ARHGAP28: variants seen among roughly 807,000 people sequenced by gnomAD.
ARHGAP28 encodes the protein Rho GTPase activating protein 28.
In ARHGAP28, 56 loss-of-function variants were observed where a neutral mutation model predicts 90.7. The observed-to-expected ratio is 0.62, with a 90% CI of 0.50 to 0.77. The LOEUF (loss-of-function observed/expected upper bound fraction) is 0.77, where lower values mean the gene tolerates loss of function less well. Among genes scored for constraint, ARHGAP28 ranks in the 30% least tolerant of loss-of-function variants. The pLI is 0.00. For missense variants in ARHGAP28, 869 were observed against 900.9 expected, an observed-to-expected ratio of 0.96 and a Z score of 0.45; for synonymous variants, 308 against 323.3, an observed-to-expected ratio of 0.95 and a Z score of 0.51.
intron 3 of ARHGAP28, among the ~76,000 whole-genome samples, chr18:6,845,793 A>G (rs1326790038): frequency 1.3e-5 from 2 of 152,200 alleles, no homozygotes; most frequent in Non-Finnish European, 2.9e-5. Flanking sequence ...CATGGTATAT[A>G]TGTACCACTC....
intron 10 of ARHGAP28, among the ~76,000 whole-genome samples, chr18:6,878,944 T>C (rs1416946543): frequency 6.6e-6 from 1 of 152,190 alleles, no homozygotes; most frequent in African/African-American, 2.4e-5. Context: ...TCCATTATAA[T>C]TATCCTCGGA....
At chr18:6,749,259 T>G (rs997355572) in intron 1 of ARHGAP28, among the ~76,000 whole-genome samples, 3 of 152,180 alleles carry the variant, frequency 2.0e-5, no homozygotes, top group African/African-American at 7.2e-5. Flanking sequence ...AGGTAGCAAA[T>G]TAATAGCATA....
At chr18:6,850,927 G>C in intron 3 of ARHGAP28, 107 bp from the exon 4 acceptor site, 1 of 1,543,824 alleles carries the variant, frequency 6.5e-7, no homozygotes. Context: ...TATATCTCCA[G>C]GCAGCTGTAC....
At chr18:6,779,312 CA>C (rs1223990349) in intron 1 of ARHGAP28, among the ~76,000 whole-genome samples, 6 of 152,142 alleles carry the variant, frequency 3.9e-5, no homozygotes, top group African/African-American at 1.4e-4. Flanking sequence ...GCAAAGTAAG[CA>C]GTGAAATCCT....
Position 6,868,152 on chromosome 18 carries a change from T to A in ARHGAP28, c.729T>A (p.Ala243=), listed in dbSNP as rs184877362. ...SFAVPRSDSV[A]ILETIPVLPV... ...GTTCATCTTCCTTTGCTTGGCAGGCTATACTTGAGACCATTCCAGTTCTAC... is the reference window on the plus strand; with the variant it reads ...GTTCATCTTCCTTTGCTTGGCAGGCAATACTTGAGACCATTCCAGTTCTAC... Residue 243 remains alanine (A), a splice_region_variant and synonymous_variant, in exon 6 of 18, where the codon GCT becomes GCA. Coordinates refer to ENST00000383472, the MANE Select transcript of ARHGAP28 (RefSeq NM_001366230.1). 2 of 1,613,780 alleles carry A rather than the reference T, an allele frequency of 1.2e-6. No homozygotes were observed. The highest frequency in any genetic ancestry group is 4.5e-5 in the East Asian group (2 of 44,884).
chr18:6,794,073 G>C (rs1010003452), intron 1 of ARHGAP28, among the ~76,000 whole-genome samples: 2 of 152,106 alleles, frequency 1.3e-5, no homozygotes, highest in African/African-American at 4.8e-5. Flanking sequence ...AGTGTATGGC[G>C]TGCAGTTCTA....
intron 3 of ARHGAP28, among the ~76,000 whole-genome samples, chr18:6,837,638 T>A (rs1600229950): frequency 6.6e-6 from 1 of 152,180 alleles, no homozygotes. Context: ...ACTAAACTTA[T>A]TCCCTTTGTT....
chr18:6,831,563 T>C (rs142679380), intron 2 of ARHGAP28, among the ~76,000 whole-genome samples: 139 of 151,310 alleles, frequency 9.2e-4, no homozygotes, highest in African/African-American at 3.3e-3. Context: ...TATGTATACA[T>C]GTGCCATGCT....
At chr18:6,883,535 GC>G (rs2057196897) in intron 11 of ARHGAP28, among the ~76,000 whole-genome samples, 1 of 152,054 alleles carries the variant, frequency 6.6e-6, no homozygotes, top group Non-Finnish European at 1.5e-5. Flanking sequence ...ACCACACCTG[GC>G]CCAGCCACTA....
intron 1 of ARHGAP28, among the ~76,000 whole-genome samples, chr18:6,740,137 A>G (rs1391897790): frequency 6.6e-6 from 1 of 152,192 alleles, no homozygotes; most frequent in Non-Finnish European, 1.5e-5. Context: ...TACAGGCATG[A>G]GCCACTGTGT....
intron 3 of ARHGAP28, among the ~76,000 whole-genome samples, chr18:6,842,213 T>A (rs944878198): frequency 6.6e-6 from 1 of 152,056 alleles, no homozygotes; most frequent in African/African-American, 2.4e-5. Context: ...ATTAGCCAGT[T>A]GCGGTGGCAC....
chr18:6,880,563 C>A (rs1193924719), intron 10 of ARHGAP28, among the ~76,000 whole-genome samples: 1 of 152,206 alleles, frequency 6.6e-6, no homozygotes, highest in East Asian at 1.9e-4. Context: ...AGGCTAGTCC[C>A]CTTAGCACTG....
rs570467660 is a variant in ARHGAP28, at chr18:6,859,881, C to T, written c.710C>T (p.Pro237Leu). ...GATAAAGAAGGGAGTTTTGCGGTTC[C>T]CAGGAGTGACTCTGTGGTAAGTCAT... is the stretch of plus-strand genomic sequence containing the variant. The part of the protein sequence containing the change: ...SQDKEGSFAV[P>L]RSDSVAILET... The change falls in exon 5 of 18, where the codon CCC (proline) becomes CTC (leucine). Residue 237 changes from proline to leucine, a missense_variant. By Grantham distance (98) the Pro-to-Leu change is moderately conservative. Transcript: ENST00000383472. The T allele has an allele frequency of 3.0e-5, 48 of 1,614,134 alleles. 1 individual carries two copies. The South Asian group carries it at 4.5e-4, about 15-fold the overall frequency.
rs76121840 is a variant in ARHGAP28, at chr18:6,776,562, G to C, written c.122+46619G>C. The stretch of plus-strand genomic sequence containing the variant: ...TGCCTCTGCCTTGGCCTCCCAGAGT[G>C]CTGGGATTATAGGCATGAGCCACCA... On this transcript the variant is annotated intron_variant, in intron 1 of 17. Transcript: ENST00000383472. 4.0e-3 allele frequency among the ~76,000 whole-genome samples: 606 copies of C among 152,314 alleles called. 3 individuals are homozygous for C. The highest frequency in any genetic ancestry group is 0.011 in the African/African-American group (457 of 41,564).
chr18:6,898,810 C>A, intron 16 of ARHGAP28: 1 of 1,127,322 alleles, frequency 8.9e-7, no homozygotes, highest in Non-Finnish European at 1.1e-6. Context: ...CATATGTTCT[C>A]ACTCGTAAGT....
chr18:6,841,208 C>CTCA (rs1555631529), intron 3 of ARHGAP28, among the ~76,000 whole-genome samples: 4 of 43,134 alleles, frequency 9.3e-5, no homozygotes, highest in African/African-American at 3.7e-4. Flanking sequence ...TCTCTCCTCT[C>CTCA]CTCTCTCTCT....
At chr18:6,877,790 G>A (rs546965092) in intron 10 of ARHGAP28, among the ~76,000 whole-genome samples, 6 of 152,284 alleles carry the variant, frequency 3.9e-5, no homozygotes, top group African/African-American at 1.4e-4. Flanking sequence ...TACAAGTAAG[G>A]ATGAAAACCA....
At chr18:6,799,025 T>C (rs1035589379) in intron 1 of ARHGAP28, among the ~76,000 whole-genome samples, 2 of 152,226 alleles carry the variant, frequency 1.3e-5, no homozygotes. Context: ...GCCAGTGAAC[T>C]ACAAGATGAT....
chr18:6,841,847 A>G (rs1248790614), intron 3 of ARHGAP28, among the ~76,000 whole-genome samples: 1 of 152,196 alleles, frequency 6.6e-6, no homozygotes, highest in Non-Finnish European at 1.5e-5. Context: ...CAATCTGAGA[A>G]CTAGTTCATT....
Sources: allele counts gnomAD v4.1 joint callset (sites outside exome capture counted in the v4.1 genomes callset), GRCh38; gene constraint gnomAD v4.1.1; transcripts MANE v1.5; gene names NCBI Gene and HGNC (gene_info 2026-07-23, HGNC 2026-07-21).